The following DBN1 variants were observed in gnomAD, a reference collection of about 807,000 sequenced individuals.
DBN1 encodes the protein drebrin.
Under a neutral mutation model 83.5 loss-of-function variants are expected in DBN1, and 21 were observed. The ratio of observed to expected loss-of-function variants is 0.25; its 90% CI spans 0.18 to 0.36. The LOEUF (loss-of-function observed/expected upper bound fraction) is 0.36, where lower values mean the gene tolerates loss of function less well. Ranked by LOEUF, DBN1 falls within the 10% of genes least tolerant of loss-of-function variation. DBN1 has a pLI of 1.00. For synonymous variants in DBN1, 381 were observed against 384.9 expected, an observed-to-expected ratio of 0.99 and a Z score of 0.12; for missense variants, 874 against 935.7, an observed-to-expected ratio of 0.93 and a Z score of 0.86.
rs758879413 is a variant in DBN1 at position 177,460,486 on chromosome 5, C to T, written c.901G>A (p.Ala301Thr). ...REFFKQQERV[A>T]SASAGSCDVP... is the part of the protein sequence containing the mutation. ...TCACAGCTGCCCGCAGAGGCCGATG[C>T]GACTCTTTCCTGCTGCTTGAAGAAC... Residue 301 changes from alanine (A) to threonine (T), a missense_variant, in exon 10 of 15, where the codon GCA (alanine) becomes ACA (threonine). Around this residue, in one of 4 missense-constraint regions of DBN1, gnomAD observed 725 missense variants for 719.7 expected, o/e 1.01. Transcript: ENST00000393565. 1.9e-5 allele frequency: 30 copies of T among 1,613,970 alleles called. No individual in the cohort carries two copies. In the East Asian group the frequency reaches 2.2e-4, roughly 12 times the overall value.
rs958785990 is a variant in DBN1, at chr5:177,472,063, G to C, written c.86+1373C>G. On this transcript the variant is annotated intron_variant, in intron 1 of 14. Coordinates refer to ENST00000393565, the MANE Select transcript of DBN1 (RefSeq NM_001363541.2). ...CTCAGCCCCCCTGGGGCAGGGCTGG[G>C]ACAATGGGTGGGCCGCCTGCCTGCT... The C allele has an allele frequency of 4.1e-5, 65 of 1,575,044 alleles. No homozygotes were observed. The African/African-American group carries it at 6.3e-4, about 15-fold the overall frequency.
chr5:177,460,409 C>A, intron 10 of DBN1, 23 bp downstream of exon 10: 1 of 1,612,712 alleles, frequency 6.2e-7, no homozygotes. Context: ...TGGGGCCGGA[C>A]GGGGGGTGGG....
rs1057253896 is a variant in DBN1 at position 177,466,584 on chromosome 5, C to T, written c.771+188G>A. Among the ~76,000 whole-genome samples the T allele has an allele frequency of 2.6e-5, 4 of 152,192 alleles. No homozygotes were observed. Among genetic ancestry groups the T allele is most frequent in the African/African-American group, 7.2e-5 (3 of 41,442 alleles). The stretch of plus-strand genomic sequence containing the variant: ...GCTTCTCCAAAGTAGTCTTTTTCCA[C>T]GGCCAGAGGCCAGAGCCCCACGTGA... On this transcript the variant is annotated intron_variant, in intron 8 of 14. Coordinates refer to ENST00000393565, the MANE Select transcript of DBN1 (RefSeq NM_001363541.2). The surrounding 1 kb of genome is among the most constrained non-coding windows in gnomAD (Gnocchi z 4.8).
At chr5:177,469,676 C>T (rs907132304) in intron 1 of DBN1, among the ~76,000 whole-genome samples, 1 of 152,224 alleles carries the variant, frequency 6.6e-6, no homozygotes, top group Non-Finnish European at 1.5e-5. Context: ...CCTCCTTCCT[C>T]CTCCTCCCTA....
chr5:177,457,130 G>A lies in DBN1; in HGVS notation c.*303C>T. 1 of 439,974 alleles carries A rather than the reference G, an allele frequency of 2.3e-6. No homozygotes were observed. Among genetic ancestry groups the A allele is most frequent in the Non-Finnish European group, 4.1e-6 (1 of 242,398 alleles). 27.3% of individuals were successfully genotyped at this position (439,974 alleles called of 1,614,324 possible). On this transcript the variant is annotated 3_prime_UTR_variant, in exon 15 of 15. Transcript: ENST00000393565. Reference sequence around the variant, plus strand: ...GGCCTCCAACCCGGCCAGCTGAGCAGGGAGGACTAAGAGCTACAATCTGGA... The same window carrying A: ...GGCCTCCAACCCGGCCAGCTGAGCAAGGAGGACTAAGAGCTACAATCTGGA...
chr5:177,459,867 G>A (rs879069869), intron 10 of DBN1, 127 bp from the exon 11 acceptor site: 13 of 1,081,984 alleles, frequency 1.2e-5, no homozygotes, highest in Middle Eastern at 3.0e-4. Context: ...TCAGCCAGGG[G>A]CACAATCAGC....
At position 177,460,655 on chromosome 5, in the gene DBN1, A is replaced by G. The variant is rs1055090794; in HGVS notation, c.820T>C (p.Ser274Pro). 2 of 1,613,998 alleles carry G rather than the reference A, an allele frequency of 1.2e-6. No individual in the cohort carries two copies. The highest frequency in any genetic ancestry group is 2.7e-5 in the African/African-American group (2 of 74,990). Residue 274 changes from serine (S) to proline (P), a missense_variant, in exon 9 of 15, where the codon TCG (serine) becomes CCG (proline). Ser to Pro is a moderately conservative substitution (Grantham distance 74). Transcript: ENST00000393565. Reference protein sequence around the residue: ...EEETHMKKSESEVEEAAAIIA... With the variant: ...EEETHMKKSEPEVEEAAAIIA... ...CCCCCAGCTCTCACCTCCACCTCCGACTCTGACTTCTTCATGTGGGTCTCT... is the reference window on the plus strand; with the variant it reads ...CCCCCAGCTCTCACCTCCACCTCCGGCTCTGACTTCTTCATGTGGGTCTCT...
Position 177,467,903 on chromosome 5 carries a change from G to A in DBN1, c.256-86C>T. 1 of 1,508,360 alleles carries A rather than the reference G, an allele frequency of 6.6e-7. No individual in the cohort carries two copies. The highest frequency in any genetic ancestry group is 1.2e-5 in the South Asian group (1 of 86,350). 93.4% of individuals were successfully genotyped at this position (1,508,360 alleles called of 1,614,324 possible). ...GTGCATCTTCCCCGGGGTGGGAAGAGGGTGGGCTTCCCTCTCCACGGGTGT... is the reference window on the plus strand; with the variant it reads ...GTGCATCTTCCCCGGGGTGGGAAGAAGGTGGGCTTCCCTCTCCACGGGTGT... On this transcript the variant is annotated intron_variant, in intron 3 of 14. Coordinates refer to ENST00000393565, the MANE Select transcript of DBN1 (RefSeq NM_001363541.2). This position sits in a 1 kb window ranked among gnomAD's most constrained non-coding sequence, Gnocchi z 9.1.
Position 177,456,756 on chromosome 5 carries a change from GCCA to G in DBN1, c.*674_*676del, listed in dbSNP as rs1756521733. 6.6e-6 allele frequency: 1 copy of G among 151,250 alleles called. No homozygotes were observed. Among genetic ancestry groups the G allele is most frequent in the African/African-American group, 2.4e-5 (1 of 41,008 alleles). 9.4% of individuals were successfully genotyped at this position (151,250 alleles called of 1,614,324 possible). On this transcript the variant is annotated 3_prime_UTR_variant, in exon 15 of 15. Transcript: ENST00000393565. The stretch of plus-strand genomic sequence containing the variant: ...GCAAAGAGGAAGGAGTTGGGGAGGG[GCCA>G]CCAAAGCCCCTGGGCCCCATCCATA...
rs1161971482 is a variant in DBN1, at chr5:177,460,562, G to A, written c.832-7C>T. On this transcript the variant is annotated splice_polypyrimidine_tract_variant and splice_region_variant and intron_variant, in intron 9 of 14. Coordinates refer to ENST00000393565, the MANE Select transcript of DBN1 (RefSeq NM_001363541.2). ...CAATAATAGCTGCTGCCTCCTGAGG[G>A]CACGAGGAAAAGGTTGGGGCTGGGC... is the stretch of plus-strand genomic sequence containing the variant. 3.1e-6 allele frequency: 5 copies of A among 1,614,018 alleles called. No individual in the cohort carries two copies. The highest frequency in any genetic ancestry group is 1.7e-5 in the Admixed American group (1 of 60,004).
At position 177,458,129 on chromosome 5, in the gene DBN1, G is replaced by A. The variant is rs1561675873; in HGVS notation, c.1843C>T (p.Leu615=). Residue 615 remains leucine (L), a synonymous_variant, in exon 13 of 15, where the codon CTG becomes TTG. Transcript: ENST00000393565. ...TPTLPSALEE[L]EQEQEPEPHL... is the part of the protein sequence containing the mutation. ...GGCTCCGGCTCCTGCTCTTGCTCCA[G>A]CTCCTCAAGGGCTGAGGGCAGAGTT... The A allele has an allele frequency of 3.7e-6, 6 of 1,613,632 alleles. No individual in the cohort carries two copies. Among genetic ancestry groups the A allele is most frequent in the Non-Finnish European group, 5.1e-6 (6 of 1,180,014 alleles).
Position 177,457,245 on chromosome 5 carries a change from TAAA to T in DBN1, c.*185_*187del. The T allele has an allele frequency of 1.6e-6, 1 of 607,218 alleles. No individual in the cohort carries two copies. The allele number at this position is 607,218 out of a possible 1,614,324, so 37.6% of individuals were successfully genotyped here. ...CTGTACAAGTCTCCTATCAACTTTTTAAAAAAAGAGAAAAGCTGTAAAAGTCAG... is the reference window on the plus strand; with the variant it reads ...CTGTACAAGTCTCCTATCAACTTTTTAAAAGAGAAAAGCTGTAAAAGTCAG... On this transcript the variant is annotated 3_prime_UTR_variant, in exon 15 of 15. Transcript: ENST00000393565.
At chr5:177,457,938 C>G (rs1220415690) in intron 13 of DBN1, 120 bp downstream of exon 13, 1 of 1,452,936 alleles carries the variant, frequency 6.9e-7, no homozygotes. Context: ...ATGGACTTCC[C>G]CTCAAATAAT....
rs572629256 is a variant in DBN1 at position 177,468,940 on chromosome 5, A to G, written c.87-41T>C. The G allele has an allele frequency of 8.6e-6, 11 of 1,281,864 alleles. No individual in the cohort carries two copies. The Admixed American group carries it at 2.4e-4, about 28-fold the overall frequency. The allele number at this position is 1,281,864 out of a possible 1,614,324, so 79.4% of individuals were successfully genotyped here. Reference sequence around the variant, plus strand: ...GGTGGCTGTCAAACTGTCAGGGCCCAGGCCGCCAATTCTGGGTGGGGACGG... The same window carrying G: ...GGTGGCTGTCAAACTGTCAGGGCCCGGGCCGCCAATTCTGGGTGGGGACGG... On this transcript the variant is annotated intron_variant, in intron 1 of 14. Transcript: ENST00000393565.
Position 177,467,274 on chromosome 5 carries a change from T to A in DBN1, c.536A>T (p.Gln179Leu). 2 of 1,614,142 alleles carry A rather than the reference T, an allele frequency of 1.2e-6. No homozygotes were observed. Among genetic ancestry groups the A allele is most frequent in the Non-Finnish European group, 1.7e-6 (2 of 1,179,988 alleles). The change falls in exon 6 of 15, where the codon CAG becomes CTG. Residue 179 changes from glutamine (Q) to leucine (L), a missense_variant. By Grantham distance (113) the Gln-to-Leu change is moderately radical. This residue lies in a region of DBN1 where 725 missense variants were observed against 719.7 expected (regional missense o/e 1.01). Coordinates refer to ENST00000393565, the MANE Select transcript of DBN1 (RefSeq NM_001363541.2). This position sits in a 1 kb window ranked among gnomAD's most constrained non-coding sequence, Gnocchi z 9.1. ...AVEMKRINRE[Q>L]FWEQAKKEEE... is the part of the protein sequence containing the mutation. ...CCATACCTTGGCCTGCTCCCAGAAC[T>A]GCTCTCGGTTAATCCGCTTCATTTC...
intron 1 of DBN1, chr5:177,472,498 A>G: frequency 2.9e-6 from 3 of 1,031,926 alleles, no homozygotes; most frequent in Non-Finnish European, 3.7e-6. Flanking sequence ...CCAGCCCCAG[A>G]GCAGGTGGTC....
At chr5:177,472,682 C>G in intron 1 of DBN1, 1 of 645,588 alleles carries the variant, frequency 1.5e-6, no homozygotes, top group Non-Finnish European at 2.0e-6. Flanking sequence ...GGCTTCCTCC[C>G]AGGGATCTCA....
chr5:177,465,799 G>A (rs1757404895), intron 8 of DBN1, among the ~76,000 whole-genome samples: 1 of 149,152 alleles, frequency 6.7e-6, no homozygotes, highest in East Asian at 2.0e-4. Context: ...AGGTTGCAGT[G>A]AGCCAAGATC....
intron 8 of DBN1, among the ~76,000 whole-genome samples, chr5:177,465,771 C>T (rs1223435294): frequency 1.3e-5 from 2 of 150,316 alleles, no homozygotes; most frequent in East Asian, 3.9e-4. Context: ...GGGAGAATCG[C>T]TTGAACCTGG....
Sources: allele counts gnomAD v4.1 joint callset (sites outside exome capture counted in the v4.1 genomes callset), GRCh38; gene constraint gnomAD v4.1.1; regional missense constraint gnomAD v4.1.1; non-coding constraint Gnocchi (gnomAD v3.1); transcripts MANE v1.5; gene names NCBI Gene and HGNC (gene_info 2026-07-23, HGNC 2026-07-21).